RGS12: variants seen among roughly 807,000 people sequenced by gnomAD.
RGS12 encodes the protein regulator of G-protein signaling 12.
In RGS12, 66 loss-of-function variants were observed where a neutral mutation model predicts 120.1. The observed-to-expected ratio is 0.55, with a 90% CI of 0.45 to 0.67. The LOEUF is 0.67. RGS12 is among the 30% of genes least tolerant of loss of function. The pLI is 0.00. For synonymous variants in RGS12, 827 were observed against 804.7 expected (o/e 1.03, Z -0.47); for missense variants, 1,859 against 1,957.7 (o/e 0.95, Z 0.95).
intron 4 of RGS12, among the ~76,000 whole-genome samples, chr4:3,399,196 A>T (rs1037130197): frequency 6.6e-6 from 1 of 152,236 alleles, no homozygotes; most frequent in African/African-American, 2.4e-5. Context: ...GTTTGAAAAT[A>T]TAGGAAATAA....
At chr4:3,375,315 C>G (rs1717539608) in intron 3 of RGS12, among the ~76,000 whole-genome samples, 1 of 98,584 alleles carries the variant, frequency 1.0e-5, no homozygotes. Flanking sequence ...ATCTCCAGCC[C>G]TCATCTCCAG....
At chr4:3,331,947 AC>A (rs1451076489) in intron 2 of RGS12, among the ~76,000 whole-genome samples, 31 of 152,216 alleles carry the variant, frequency 2.0e-4, no homozygotes, top group East Asian at 3.9e-4. Context: ...CATCCTGACC[AC>A]GGCCACCGAG....
intron 3 of RGS12, among the ~76,000 whole-genome samples, chr4:3,368,451 T>TGTGTGTGG (rs781181622): frequency 1.8e-5 from 2 of 109,076 alleles, no homozygotes; most frequent in Non-Finnish European, 3.7e-5. Context: ...TGTGTGTGTG[T>TGTGTGTGG]GGGGTGCCTT....
intron 2 of RGS12, among the ~76,000 whole-genome samples, chr4:3,318,269 G>T (rs1298031530): frequency 2.0e-5 from 3 of 152,178 alleles, no homozygotes; most frequent in Non-Finnish European, 4.4e-5. Flanking sequence ...CTTGGTTCTG[G>T]TTCTGGCTCT....
intron 1 of RGS12, among the ~76,000 whole-genome samples, chr4:3,310,661 T>C (rs1349358266): frequency 1.3e-5 from 2 of 150,962 alleles, no homozygotes; most frequent in African/African-American, 4.9e-5. Flanking sequence ...TCAGATCGTC[T>C]GGTGTGTGTG....
rs775933500 is a variant in RGS12, at chr4:3,439,509, A to G, written c.4169A>G (p.Asp1390Gly). Reference sequence around the variant, plus strand: ...CCAGTCAACAGAATCATCGATGTGGATCTTGTAACTGGCTCGGCGCCCGGG... The same window carrying G: ...CCAGTCAACAGAATCATCGATGTGGGTCTTGTAACTGGCTCGGCGCCCGGG... ...DLPVNRIIDV[D>G]LVTGSAPGRD... Residue 1390 changes from aspartate (D) to glycine (G), a missense_variant, in exon 18 of 18, where the codon GAT becomes GGT. Physicochemically the swap from Asp to Gly is moderately conservative, Grantham distance 94. Transcript: ENST00000336727. The G allele has an allele frequency of 3.1e-6, 5 of 1,612,688 alleles. No individual in the cohort carries two copies. The highest frequency in any genetic ancestry group is 4.2e-6 in the Non-Finnish European group (5 of 1,179,848).
Position 3,417,494 on chromosome 4 carries a change from G to A in RGS12, c.2714G>A (p.Ser905Asn), listed in dbSNP as rs1722538865. The A allele has an allele frequency of 1.2e-6, 2 of 1,613,376 alleles. No individual in the cohort carries two copies. The highest frequency in any genetic ancestry group is 8.5e-7 in the Non-Finnish European group (1 of 1,179,930). The change falls in exon 9 of 18, where the codon AGC becomes AAC. Residue 905 changes from serine to asparagine, a missense_variant. Ser to Asn is a conservative substitution (Grantham distance 46, BLOSUM62 1). Transcript: ENST00000336727. The stretch of plus-strand genomic sequence containing the variant: ...TTTTTCTCGTGGTCGCGGACCAGGA[G>A]CACCGGGAGGTCCCAGAAAAAGAGG... ...GAFFSWSRTR[S>N]TGRSQKKREH...
At position 3,353,471 on chromosome 4, in the gene RGS12, C is replaced by T. The variant is rs117063005; in HGVS notation, c.1998+10418C>T. On this transcript the variant is annotated intron_variant, in intron 3 of 17. Coordinates refer to ENST00000336727, the MANE Select transcript of RGS12 (RefSeq NM_001394154.1). ...TCCATCTGAACTTTGTAGGACCGGA[C>T]TGGTATGAGTTAACTTGGGTATGAC... is the stretch of plus-strand genomic sequence containing the variant. Among the ~76,000 whole-genome samples the T allele has an allele frequency of 5.5e-4, 83 of 152,278 alleles. 1 individual carries two copies. The East Asian group carries it at 0.015, about 28-fold the overall frequency.
chr4:3,386,207 T>C (rs1007438277), intron 3 of RGS12: 1 of 602,428 alleles, frequency 1.7e-6, no homozygotes, highest in Middle Eastern at 3.2e-4. Context: ...GATGACTTCC[T>C]CTTGTTGGGT....
chr4:3,289,674 G>T (rs1138690), upstream of RGS12, among the ~76,000 whole-genome samples: 47,593 of 151,932 alleles, frequency 0.31, 7,563 homozygotes, highest in Middle Eastern at 0.42. Flanking sequence ...TTTTTGTGAT[G>T]AGTACATTTA....
chr4:3,343,848 T>A (rs1268569707), intron 3 of RGS12, among the ~76,000 whole-genome samples: 1 of 152,262 alleles, frequency 6.6e-6, no homozygotes, highest in Non-Finnish European at 1.5e-5. Context: ...AGCTGTATTC[T>A]ATGTCTTCTT....
chr4:3,303,288 G>A (rs1175546925), intron 1 of RGS12, among the ~76,000 whole-genome samples: 2 of 152,194 alleles, frequency 1.3e-5, no homozygotes, highest in Non-Finnish European at 2.9e-5. Flanking sequence ...CCAGCAGGAG[G>A]TGTGGCCACC....
At chr4:3,361,395 A>G (rs1715543422) in intron 3 of RGS12, among the ~76,000 whole-genome samples, 3 of 152,108 alleles carry the variant, frequency 2.0e-5, no homozygotes, top group Admixed American at 2.0e-4. Context: ...TGATGACAAA[A>G]ATGGCAGCTT....
In RGS12 at chr4:3,382,855, C is replaced by A. The variant is rs114229225; in HGVS notation, c.1999-3561C>A. 5.9e-3 allele frequency among the ~76,000 whole-genome samples: 903 copies of A among 152,318 alleles called. 14 individuals are homozygous for A. Among genetic ancestry groups the A allele is most frequent in the African/African-American group, 0.02 (851 of 41,564 alleles). ...TTCCGACCTGCACTGTGCTCGTGTT[C>A]TGCTTCAGCCTTTGTTTCTCGACAG... On this transcript the variant is annotated intron_variant, in intron 3 of 17. Transcript: ENST00000336727.
chr4:3,316,980 G>A lies in RGS12; in HGVS notation c.810G>A (p.Ser270=), dbSNP rs138890505. Residue 270 remains serine (S), a synonymous_variant, in exon 2 of 18, where the codon TCG becomes TCA. Coordinates refer to ENST00000336727, the MANE Select transcript of RGS12 (RefSeq NM_001394154.1). ...RRLRAEQKIH[S]LVTMKIMHDC... ...TGCGGGCAGAGCAGAAAATCCACTC[G>A]CTGGTGACCATGAAGATCATGCACG... 16 of 1,613,696 alleles carry A rather than the reference G, an allele frequency of 9.9e-6. No individual in the cohort carries two copies. Among genetic ancestry groups the A allele is most frequent in the Admixed American group, 8.3e-5 (5 of 60,016 alleles).
chr4:3,422,736 C>T (rs975223113), intron 11 of RGS12, among the ~76,000 whole-genome samples, 166 bp downstream of exon 11: 4 of 152,252 alleles, frequency 2.6e-5, no homozygotes, highest in African/African-American at 9.6e-5. Context: ...GCTGGGAGCA[C>T]TTTGCACGTG....
Position 3,386,331 on chromosome 4 carries a change from C to G in RGS12, c.1999-85C>G, listed in dbSNP as rs1718851333. The G allele has an allele frequency of 7.6e-6, 10 of 1,315,818 alleles. No homozygotes were observed. In the Admixed American group the frequency reaches 1.0e-4, roughly 13 times the overall value. The allele number at this position is 1,315,818 out of a possible 1,614,324, so 81.5% of individuals were successfully genotyped here. On this transcript the variant is annotated intron_variant, in intron 3 of 17. Transcript: ENST00000336727. ...TCTGAGAACCTCCCAGAGTCTGCCC[C>G]TTGTGTTCCTCAGATGGACTTTTCG...
intron 1 of RGS12, among the ~76,000 whole-genome samples, chr4:3,302,591 C>T (rs1366158749): frequency 6.6e-6 from 1 of 152,204 alleles, no homozygotes; most frequent in Admixed American, 6.5e-5. Flanking sequence ...TTCCTCCTGC[C>T]CCTTGCACGG....
rs927492126 is a variant in RGS12 at position 3,434,549 on chromosome 4, G to A, written c.4114+3594G>A. On this transcript the variant is annotated intron_variant, in intron 17 of 17. Transcript: ENST00000336727. ...TCCAAAATGCTCACCTTCTGTTCTC[G>A]TGGGGAGGGAGCAGCTGTCCCTCCA... is the stretch of plus-strand genomic sequence containing the variant. Among the ~76,000 whole-genome samples the A allele has an allele frequency of 3.3e-5, 5 of 152,126 alleles. No individual in the cohort carries two copies. The East Asian group carries it at 5.8e-4, about 18-fold the overall frequency.
Sources: gnomAD v4.1 joint callset for allele counts (sites outside exome capture counted in the v4.1 genomes callset) on GRCh38, gnomAD v4.1.1 for gene constraint, MANE v1.5 for transcripts, NCBI Gene and HGNC (gene_info 2026-07-23, HGNC 2026-07-21) for gene names.